Variants in PCDHA12 observed in about 807,000 individuals in gnomAD.
PCDHA12 encodes the protein protocadherin alpha 12, also known as protocadherin alpha-12.
A neutral mutation model predicts 60.0 loss-of-function variants in PCDHA12; 44 were observed. The observed-to-expected ratio is 0.73, with a 90% CI of 0.58 to 0.94. The LOEUF (loss-of-function observed/expected upper bound fraction) is 0.94, where lower values mean the gene tolerates loss of function less well. PCDHA12 is among the 40% of genes least tolerant of loss of function. The pLI, the probability that PCDHA12 is intolerant of heterozygous loss-of-function variation, is 0.00. For missense variants in PCDHA12, 1,276 were observed against 1,239.7 expected (o/e 1.03, Z -0.44); for synonymous variants, 569 against 553.0 (o/e 1.03, Z -0.40).
chr5:140,938,295 A>G (rs1458865676), intron 1 of PCDHA12, among the ~76,000 whole-genome samples: 1 of 152,190 alleles, frequency 6.6e-6, no homozygotes, highest in Non-Finnish European at 1.5e-5. Context: ...GTCATTGCCT[A>G]TGAAATTCAG....
rs148596731 is a variant in PCDHA12 at position 141,000,361 on chromosome 5, GTCTCTCTCTCTC to G, written c.2516-9242_2516-9231del. Among the ~76,000 whole-genome samples, 60 of 26,440 alleles carry G rather than the reference GTCTCTCTCTCTC, an allele frequency of 2.3e-3. 1 individual carries two copies. Among genetic ancestry groups the G allele is most frequent in the Admixed American group, 5.8e-3 (10 of 1,730 alleles). The allele number at this position is 26,440 out of a possible 152,430, so 17.3% of individuals were successfully genotyped here. On this transcript the variant is annotated intron_variant, in intron 3 of 3. Transcript: ENST00000398631. ...CCTATCTCTCTCTCTGTCTCTCTCT[GTCTCTCTCTCTC>G]TCTCTCTCTCTCTCTCTCTCTCTAT...
intron 1 of PCDHA12, chr5:140,966,319 G>T: frequency 2.6e-6 from 1 of 388,824 alleles, no homozygotes; most frequent in Admixed American, 4.5e-5. Context: ...CCTGCGGTCC[G>T]CTGGGATCCG....
At chr5:140,891,698 T>C (rs2063212804) in intron 1 of PCDHA12, among the ~76,000 whole-genome samples, 1 of 152,258 alleles carries the variant, frequency 6.6e-6, no homozygotes, top group Non-Finnish European at 1.5e-5. Context: ...TGCTGTTGTC[T>C]GAATTTGTAC....
At chr5:140,934,363 T>C (rs1354531260) in intron 1 of PCDHA12, among the ~76,000 whole-genome samples, 3 of 152,170 alleles carry the variant, frequency 2.0e-5, no homozygotes, top group African/African-American at 7.2e-5. Context: ...GCCACTGCTT[T>C]GACTCCTTCT....
chr5:140,892,580 A>C (rs1462175198), intron 1 of PCDHA12, among the ~76,000 whole-genome samples: 2 of 152,198 alleles, frequency 1.3e-5, no homozygotes, highest in Admixed American at 1.3e-4. Context: ...AGTATATCTC[A>C]GTATTCATTC....
intron 1 of PCDHA12, among the ~76,000 whole-genome samples, chr5:140,888,414 T>C (rs530730994): frequency 2.6e-5 from 4 of 152,170 alleles, no homozygotes; most frequent in Non-Finnish European, 5.9e-5. Context: ...CTGCCAAACA[T>C]CCTACCGTGC....
intron 1 of PCDHA12, among the ~76,000 whole-genome samples, chr5:140,903,933 A>G (rs1348730153): frequency 1.3e-5 from 2 of 152,220 alleles, no homozygotes; most frequent in East Asian, 1.9e-4. Context: ...ATTGGATAAT[A>G]CCTCTTAAAT....
chr5:140,966,820 G>A, intron 1 of PCDHA12: 1 of 1,557,392 alleles, frequency 6.4e-7, no homozygotes, highest in Non-Finnish European at 8.7e-7. Context: ...GGCTCCGGCG[G>A]CCCATGCCCT....
chr5:140,992,127 T>G (rs1237289084), intron 3 of PCDHA12, among the ~76,000 whole-genome samples: 1 of 151,584 alleles, frequency 6.6e-6, no homozygotes, highest in Non-Finnish European at 1.5e-5. Flanking sequence ...GGAAGAACAG[T>G]GACTGATGAT....
chr5:141,007,551 GA>G (rs1554261384), intron 3 of PCDHA12, among the ~76,000 whole-genome samples: 1 of 152,140 alleles, frequency 6.6e-6, no homozygotes, highest in African/African-American at 2.4e-5. Flanking sequence ...TTGGGCAACA[GA>G]GCAAGGCTCT....
chr5:140,983,387 G>T (rs1417783796), intron 3 of PCDHA12, among the ~76,000 whole-genome samples: 1 of 152,188 alleles, frequency 6.6e-6, no homozygotes, highest in Non-Finnish European at 1.5e-5. Flanking sequence ...CGCTGTGGCA[G>T]TTTTCAGAAA....
rs371246236 is a variant in PCDHA12 at position 140,876,855 on chromosome 5, A to G, written c.1383A>G (p.Thr461=). ...CTGCGTTCGCGCAGCCCGAGTACACAGTGTTCGTGAAGGAGAACAACCCGC... is the reference window on the plus strand; with the variant it reads ...CTGCGTTCGCGCAGCCCGAGTACACGGTGTTCGTGAAGGAGAACAACCCGC... ...NAPAFAQPEY[T]VFVKENNPPG... Residue 461 remains threonine, a synonymous_variant, in exon 1 of 4, where the codon ACA becomes ACG. Coordinates refer to ENST00000398631, the MANE Select transcript of PCDHA12 (RefSeq NM_018903.4). The G allele has an allele frequency of 2.0e-4, 322 of 1,614,052 alleles. 4 individuals are homozygous for G. The East Asian group carries it at 3.4e-3, about 17-fold the overall frequency.
intron 1 of PCDHA12, among the ~76,000 whole-genome samples, chr5:140,914,530 C>T (rs1305035760): frequency 1.3e-5 from 2 of 152,096 alleles, no homozygotes; most frequent in African/African-American, 2.4e-5. Flanking sequence ...ATCCATTCAG[C>T]CACTTTATTT....
intron 3 of PCDHA12, among the ~76,000 whole-genome samples, chr5:140,984,583 T>C (rs2097109355): frequency 6.6e-6 from 1 of 152,200 alleles, no homozygotes; most frequent in South Asian, 2.1e-4. Context: ...AACCTAATCA[T>C]ACTTTTCAAT....
Position 140,877,670 on chromosome 5 carries a change from C to T in PCDHA12, c.2198C>T (p.Ala733Val). Reference protein sequence around the residue: ...CSAPPTVSRCAPGKPTLVCSS... With the variant: ...CSAPPTVSRCVPGKPTLVCSS... Reference sequence around the variant, plus strand: ...GCGCCGCCCACCGTGAGCCGGTGCGCGCCGGGCAAGCCCACGCTGGTGTGC... The same window carrying T: ...GCGCCGCCCACCGTGAGCCGGTGCGTGCCGGGCAAGCCCACGCTGGTGTGC... The change falls in exon 1 of 4, where the codon GCG becomes GTG. Residue 733 changes from alanine to valine, a missense_variant. Transcript: ENST00000398631. The T allele has an allele frequency of 6.8e-6, 11 of 1,613,654 alleles. No homozygotes were observed. The highest frequency in any genetic ancestry group is 7.6e-6 in the Non-Finnish European group (9 of 1,179,842).
intron 1 of PCDHA12, chr5:140,967,116 G>A: frequency 1.2e-6 from 2 of 1,612,922 alleles, no homozygotes; most frequent in Non-Finnish European, 1.7e-6. Context: ...CGGCCTCGCT[G>A]CCTGCTCAGC....
chr5:140,999,568 G>A (rs1554256885), intron 3 of PCDHA12, among the ~76,000 whole-genome samples: 1 of 152,084 alleles, frequency 6.6e-6, no homozygotes, highest in Non-Finnish European at 1.5e-5. Context: ...TTTGAGAAGA[G>A]ACTATAAAGG....
chr5:140,972,660 ATTTT>A (rs11350929), intron 1 of PCDHA12, among the ~76,000 whole-genome samples: 1 of 117,264 alleles, frequency 8.5e-6, no homozygotes. Flanking sequence ...AAGAAACCAA[ATTTT>A]TTTTTTTTTT....
intron 1 of PCDHA12, among the ~76,000 whole-genome samples, chr5:140,962,475 T>C (rs772721001): frequency 2.0e-5 from 3 of 152,232 alleles, no homozygotes; most frequent in Non-Finnish European, 4.4e-5. Context: ...TCTCTTTGTT[T>C]ATTCTAAGCA....
Sources: allele counts gnomAD v4.1 joint callset (sites outside exome capture counted in the v4.1 genomes callset), GRCh38; gene constraint gnomAD v4.1.1; transcripts MANE v1.5; gene names NCBI Gene and HGNC (gene_info 2026-07-23, HGNC 2026-07-21).